Variants in PIEZO2 observed in about 807,000 individuals in gnomAD.
PIEZO2 encodes piezo type mechanosensitive ion channel component 2, also known as piezo-type mechanosensitive ion channel component 2.
A neutral mutation model predicts 337.3 loss-of-function variants in PIEZO2; 172 were observed. The ratio of observed to expected loss-of-function variants is 0.51; its 90% CI spans 0.45 to 0.58. The LOEUF (loss-of-function observed/expected upper bound fraction) is 0.58. Ranked by LOEUF, PIEZO2 falls within the 20% of genes least tolerant of loss-of-function variation. PIEZO2 has a pLI of 0.00. For synonymous variants in PIEZO2, 1,251 were observed against 1,228.5 expected (o/e 1.02, Z -0.38); for missense variants, 3,028 against 3,391.3 (o/e 0.89, Z 2.66).
Position 11,012,412 on chromosome 18 carries a change from C to A in PIEZO2, c.161-32752G>T, listed in dbSNP as rs550063290. ...TAATGTTGATCAAGTATCTAATCTC[C>A]ACAAAGACAATGTAAGAAGCCCATT... On this transcript the variant is annotated intron_variant, in intron 2 of 55. Transcript: ENST00000674853. 2.0e-5 allele frequency among the ~76,000 whole-genome samples: 3 copies of A among 152,260 alleles called. No homozygotes were observed. The East Asian group carries it at 5.8e-4, about 29-fold the overall frequency.
At position 11,146,635 on chromosome 18, in the gene PIEZO2, G is replaced by A. The variant is rs1388871455; in HGVS notation, c.64+1890C>T. On this transcript the variant is annotated intron_variant, in intron 1 of 55. Transcript: ENST00000674853. This position sits in a 1 kb window ranked among gnomAD's most constrained non-coding sequence, Gnocchi z 6.1. The stretch of plus-strand genomic sequence containing the variant: ...AACCCCAGCATCCGCGGGGCTTGGA[G>A]GCAGGTGAGCTGAGTCCAGGGAGCC... Among the ~76,000 whole-genome samples, 2 of 152,204 alleles carry A rather than the reference G, an allele frequency of 1.3e-5. No homozygotes were observed. Among genetic ancestry groups the A allele is most frequent in the African/African-American group, 4.8e-5 (2 of 41,468 alleles).
intron 1 of PIEZO2, among the ~76,000 whole-genome samples, chr18:11,117,886 C>A (rs530078276): frequency 6.6e-6 from 1 of 152,286 alleles, no homozygotes; most frequent in South Asian, 2.1e-4. Context: ...TCAAATACAG[C>A]CACTTGAAAG....
chr18:11,018,671 A>G (rs552464408), intron 2 of PIEZO2, among the ~76,000 whole-genome samples: 3 of 152,210 alleles, frequency 2.0e-5, no homozygotes, highest in African/African-American at 7.2e-5. Context: ...TGTCTTGTCC[A>G]TTTAATCTGA....
chr18:10,975,541 A>G (rs2034410484), intron 3 of PIEZO2, among the ~76,000 whole-genome samples: 1 of 152,174 alleles, frequency 6.6e-6, no homozygotes, highest in Non-Finnish European at 1.5e-5. Flanking sequence ...CACCTTTAAC[A>G]GACCTGCCAA....
intron 3 of PIEZO2, among the ~76,000 whole-genome samples, chr18:10,974,375 C>T (rs1438856775): frequency 1.3e-5 from 2 of 152,138 alleles, no homozygotes; most frequent in African/African-American, 4.8e-5. Context: ...AAGAGCAATG[C>T]ATCTGAGGGG....
intron 2 of PIEZO2, among the ~76,000 whole-genome samples, chr18:11,058,619 G>A (rs2037816914): frequency 6.6e-6 from 1 of 152,222 alleles, no homozygotes; most frequent in Non-Finnish European, 1.5e-5. Flanking sequence ...GGAGAACTAT[G>A]TGATGAATGC....
intron 35 of PIEZO2, among the ~76,000 whole-genome samples, chr18:10,731,759 T>C (rs2036798238): frequency 6.6e-6 from 1 of 152,166 alleles, no homozygotes; most frequent in South Asian, 2.1e-4. Context: ...GTACACCAAA[T>C]AAACCATCAT....
At position 10,675,209 on chromosome 18, in the gene PIEZO2, C is replaced by G. The variant is rs1413639583; in HGVS notation, c.8161G>C (p.Glu2721Gln). 1 of 1,525,158 alleles carries G rather than the reference C, an allele frequency of 6.6e-7. No homozygotes were observed. The highest frequency in any genetic ancestry group is 1.4e-5 in the African/African-American group (1 of 71,190). The allele number at this position is 1,525,158 out of a possible 1,614,324, so 94.5% of individuals were successfully genotyped here. A position where few individuals can be genotyped will look rare whatever the true frequency, so the allele number is the denominator to read the frequency against. Residue 2721 changes from glutamate (E) to glutamine (Q), a missense_variant and splice_region_variant, in exon 54 of 56, where the codon GAA (glutamate) becomes CAA (glutamine). Physicochemically the swap from Glu to Gln is conservative, Grantham distance 29. Around this residue, in one of 5 missense-constraint regions of PIEZO2, gnomAD observed 332 missense variants for 363.8 expected, o/e 0.91. Transcript: ENST00000674853. ...TGAAACAAATTTTTCTCATTCTTACCAGATAAAAGTTGCTTTATAGGTTTT... is the reference window on the plus strand; with the variant it reads ...TGAAACAAATTTTTCTCATTCTTACGAGATAAAAGTTGCTTTATAGGTTTT... ...NSKPIKQLLS[E>Q]NNFMDITIIL...
Position 10,708,939 on chromosome 18 carries a change from G to GT in PIEZO2, c.5424-501_5424-500insA, listed in dbSNP as rs559236585. Among the ~76,000 whole-genome samples the GT allele has an allele frequency of 2.7e-3, 415 of 152,224 alleles. 2 individuals are homozygous for GT. The highest frequency in any genetic ancestry group is 3.2e-3 in the Non-Finnish European group (219 of 68,024). ...TTAACACGGTCTTCAGAATTAGAGA[G>GT]GGGAAACTCAGGAATGACAACAAAC... On this transcript the variant is annotated intron_variant, in intron 39 of 55. Transcript: ENST00000674853.
At chr18:11,024,720 A>G (rs1364362331) in intron 2 of PIEZO2, among the ~76,000 whole-genome samples, 1 of 151,910 alleles carries the variant, frequency 6.6e-6, no homozygotes, top group Non-Finnish European at 1.5e-5. Context: ...AGCTCACTGC[A>G]ACCTTCGTCT....
At position 11,070,146 on chromosome 18, in the gene PIEZO2, C is replaced by A. The variant is rs943041526; in HGVS notation, c.65-3924G>T. ...TGGTATGCCCTACTGCACACCTAGA[C>A]ATATGGTGTAGCCTACTGCTCCTAG... On this transcript the variant is annotated intron_variant, in intron 1 of 55. Transcript: ENST00000674853. The surrounding 1 kb of genome is among the most constrained non-coding windows in gnomAD (Gnocchi z 4.3). 4.1e-4 allele frequency among the ~76,000 whole-genome samples: 63 copies of A among 152,204 alleles called. No homozygotes were observed. The highest frequency in any genetic ancestry group is 1.5e-3 in the African/African-American group (62 of 41,446).
At chr18:10,881,614 A>G (rs2042422321) in intron 4 of PIEZO2, among the ~76,000 whole-genome samples, 1 of 152,230 alleles carries the variant, frequency 6.6e-6, no homozygotes, top group South Asian at 2.1e-4. Context: ...TGGGAGCATC[A>G]GATCATGGAA....
chr18:10,735,829 CG>C (rs1555634593), intron 34 of PIEZO2, among the ~76,000 whole-genome samples: 1 of 152,168 alleles, frequency 6.6e-6, no homozygotes, highest in Non-Finnish European at 1.5e-5. Context: ...GGCCTTATCA[CG>C]GGCATATCAT....
Position 10,773,347 on chromosome 18 carries a change from A to T in PIEZO2, c.2785+65T>A. The T allele has an allele frequency of 2.1e-6, 3 of 1,451,938 alleles. No individual in the cohort carries two copies. Among genetic ancestry groups the T allele is most frequent in the Non-Finnish European group, 2.8e-6 (3 of 1,070,226 alleles). 89.9% of individuals were successfully genotyped at this position (1,451,938 alleles called of 1,614,324 possible). On this transcript the variant is annotated intron_variant, in intron 20 of 55. Transcript: ENST00000674853. The surrounding 1 kb of genome is among the most constrained non-coding windows in gnomAD (Gnocchi z 5.3). ...ATATATATTCTTTTGGAGCAAGTCAATGTTTCCTTCACTCAGTCTGACAGC... is the reference window on the plus strand; with the variant it reads ...ATATATATTCTTTTGGAGCAAGTCATTGTTTCCTTCACTCAGTCTGACAGC...
rs907284659 is a variant in PIEZO2, at chr18:10,791,988, C to T, written c.1759-664G>A. On this transcript the variant is annotated intron_variant, in intron 13 of 55. Transcript: ENST00000674853. ...TGAGAGGGAGTTTTGCTCTGGTTGT[C>T]CAGGCTGGAGTGTAATGGAATGATT... 2.0e-5 allele frequency among the ~76,000 whole-genome samples: 3 copies of T among 152,164 alleles called. No individual in the cohort carries two copies. The East Asian group carries it at 5.8e-4, about 29-fold the overall frequency.
At chr18:10,764,388 T>A (rs750651354) in intron 21 of PIEZO2, among the ~76,000 whole-genome samples, 8 of 152,090 alleles carry the variant, frequency 5.3e-5, no homozygotes, top group African/African-American at 9.7e-5. Flanking sequence ...ACGCCTGTAA[T>A]CCTAGCACTT....
intron 2 of PIEZO2, among the ~76,000 whole-genome samples, chr18:11,039,287 A>G (rs929700331): frequency 2.2e-4 from 33 of 152,364 alleles, no homozygotes; most frequent in African/African-American, 7.0e-4. Context: ...TTTTGCAGAC[A>G]AATGGAACAT....
chr18:10,839,296 A>T (rs1470828533), intron 7 of PIEZO2, among the ~76,000 whole-genome samples: 1 of 152,216 alleles, frequency 6.6e-6, no homozygotes, highest in African/African-American at 2.4e-5. Context: ...TAGTCATGGG[A>T]TAGTTCCATT....
Position 10,697,782 on chromosome 18 carries a change from G to A in PIEZO2, c.6793C>T (p.His2265Tyr), listed in dbSNP as rs751951617. Reference sequence around the variant, plus strand: ...GTAAAGGCTTTTGCTTTGATTAAATGTTCTTGAAGCTTTTCCATATAAAGT... The same window carrying A: ...GTAAAGGCTTTTGCTTTGATTAAATATTCTTGAAGCTTTTCCATATAAAGT... The part of the protein sequence containing the change: ...RELYMEKLQE[H>Y]LIKAKAFTIK... The change falls in exon 45 of 56, where the codon CAT (histidine) becomes TAT (tyrosine). Residue 2265 changes from histidine to tyrosine, a missense_variant. Coordinates refer to ENST00000674853, the MANE Select transcript of PIEZO2 (RefSeq NM_001378183.1). 5.0e-6 allele frequency: 8 copies of A among 1,614,082 alleles called. No individual in the cohort carries two copies. In the Admixed American group the frequency reaches 6.7e-5, roughly 13 times the overall value.
Sources: allele counts gnomAD v4.1 joint callset (sites outside exome capture counted in the v4.1 genomes callset), GRCh38; gene constraint gnomAD v4.1.1; regional missense constraint gnomAD v4.1.1; non-coding constraint Gnocchi (gnomAD v3.1); transcripts MANE v1.5; gene names NCBI Gene and HGNC (gene_info 2026-07-23, HGNC 2026-07-21).